Variants in PLCB1 observed in about 807,000 individuals in gnomAD.
The protein encoded by PLCB1 is phospholipase C beta 1, also known as 1-phosphatidylinositol 4,5-bisphosphate phosphodiesterase beta-1.
Under a neutral mutation model 161.8 loss-of-function variants are expected in PLCB1, and 46 were observed. The ratio of observed to expected loss-of-function variants is 0.28; its 90% CI spans 0.22 to 0.36. The LOEUF is 0.36. Ranked by LOEUF, PLCB1 falls within the 10% of genes least tolerant of loss-of-function variation. The probability of loss-of-function intolerance (pLI) is 1.00; values close to 1 mark genes in which losing one functional copy is unlikely to be tolerated. For synonymous variants in PLCB1, 517 were observed against 503.7 expected (o/e 1.03, Z -0.35); for missense variants, 1,016 against 1,472.5 (o/e 0.69, Z 5.07).
chr20:8,275,757 C>T (rs1351343730), intron 2 of PLCB1, among the ~76,000 whole-genome samples: 1 of 152,144 alleles, frequency 6.6e-6, no homozygotes, highest in Admixed American at 6.6e-5. Flanking sequence ...CTGCTATTTC[C>T]TTTGCAGATG....
At chr20:8,709,710 G>A (rs892244938) in intron 12 of PLCB1, among the ~76,000 whole-genome samples, 4 of 152,276 alleles carry the variant, frequency 2.6e-5, no homozygotes, top group South Asian at 2.1e-4. Flanking sequence ...AGTTAAATGT[G>A]ACAATTTTAT....
intron 3 of PLCB1, among the ~76,000 whole-genome samples, chr20:8,491,055 T>A (rs1282258892): frequency 6.6e-6 from 1 of 151,954 alleles, no homozygotes; most frequent in Non-Finnish European, 1.5e-5. Context: ...ATAAATATTT[T>A]ACTTTTATAA....
intron 3 of PLCB1, among the ~76,000 whole-genome samples, chr20:8,535,327 T>TATCTAC (rs936786849): frequency 6.6e-6 from 1 of 151,210 alleles, no homozygotes; most frequent in African/African-American, 2.4e-5. Context: ...ATATTAAACA[T>TATCTAC]ATCTACATCT....
intron 3 of PLCB1, among the ~76,000 whole-genome samples, chr20:8,559,109 TATATC>T (rs1405556020): frequency 1.3e-5 from 2 of 151,942 alleles, no homozygotes; most frequent in African/African-American, 4.8e-5. Flanking sequence ...AAAAGACAGA[TATATC>T]AAATGATGAA....
chr20:8,274,349 A>C (rs1982426803), intron 2 of PLCB1, among the ~76,000 whole-genome samples: 1 of 152,204 alleles, frequency 6.6e-6, no homozygotes, highest in South Asian at 2.1e-4. Flanking sequence ...CTAATTATAC[A>C]GATACTATTT....
chr20:8,836,436 T>C (rs1986286640), intron 31 of PLCB1, among the ~76,000 whole-genome samples: 1 of 80,558 alleles, frequency 1.2e-5, no homozygotes, highest in Admixed American at 1.7e-4. Flanking sequence ...CATACACTAT[T>C]GATTCTGTCT....
chr20:8,268,015 G>T (rs905198585), intron 2 of PLCB1, among the ~76,000 whole-genome samples: 1 of 151,290 alleles, frequency 6.6e-6, no homozygotes, highest in African/African-American at 2.4e-5. Context: ...TGTGCACAAC[G>T]TGCAGGTTTG....
intron 3 of PLCB1, among the ~76,000 whole-genome samples, chr20:8,454,207 T>C (rs1044879856): frequency 6.6e-6 from 1 of 152,126 alleles, no homozygotes; most frequent in African/African-American, 2.4e-5. Context: ...TAATACAGGC[T>C]CTGAGGCTGA....
At chr20:8,330,001 G>C (rs1032259708) in intron 2 of PLCB1, among the ~76,000 whole-genome samples, 1 of 152,170 alleles carries the variant, frequency 6.6e-6, no homozygotes, top group Non-Finnish European at 1.5e-5. Context: ...GAAAATAGGA[G>C]AAAATAGGTA....
At chr20:8,522,042 G>T (rs772188271) in intron 3 of PLCB1, among the ~76,000 whole-genome samples, 9 of 152,214 alleles carry the variant, frequency 5.9e-5, no homozygotes, top group Non-Finnish European at 1.2e-4. Flanking sequence ...GCCTCCAGAA[G>T]ATTGTCCTTG....
At chr20:8,791,370 G>A (rs1301273941) in intron 31 of PLCB1, among the ~76,000 whole-genome samples, 2 of 152,048 alleles carry the variant, frequency 1.3e-5, no homozygotes, top group Non-Finnish European at 2.9e-5. Context: ...TTCAGAAATT[G>A]CTATACTTTC....
chr20:8,180,260 G>A (rs1405845795), intron 2 of PLCB1, among the ~76,000 whole-genome samples: 1 of 152,172 alleles, frequency 6.6e-6, no homozygotes, highest in Non-Finnish European at 1.5e-5. Flanking sequence ...CACATTTACT[G>A]ATTTGCATAT....
intron 3 of PLCB1, among the ~76,000 whole-genome samples, chr20:8,533,571 T>A (rs545948751): frequency 1.3e-5 from 2 of 151,970 alleles, no homozygotes; most frequent in South Asian, 4.2e-4. Flanking sequence ...TGGTGTGAGA[T>A]GGTATCTCAT....
chr20:8,785,738 C>T (rs1432000727), intron 27 of PLCB1, among the ~76,000 whole-genome samples: 14 of 152,042 alleles, frequency 9.2e-5, no homozygotes, highest in Non-Finnish European at 2.9e-5. Flanking sequence ...AGTTCTCCAG[C>T]TTAGTCTCAA....
chr20:8,196,624 A>T (rs1311808268), intron 2 of PLCB1, among the ~76,000 whole-genome samples: 1 of 150,860 alleles, frequency 6.6e-6, no homozygotes, highest in Non-Finnish European at 1.5e-5. Flanking sequence ...CCTTCTGTCT[A>T]ACAGCCTCAA....
intron 2 of PLCB1, among the ~76,000 whole-genome samples, chr20:8,226,728 C>T (rs867582502): frequency 6.6e-6 from 1 of 150,978 alleles, no homozygotes; most frequent in Admixed American, 6.6e-5. Flanking sequence ...CACTCTGTCT[C>T]CCTGGCTGGA....
At chr20:8,872,562 T>A (rs1186556839) in intron 31 of PLCB1, among the ~76,000 whole-genome samples, 1 of 152,224 alleles carries the variant, frequency 6.6e-6, no homozygotes, top group Non-Finnish European at 1.5e-5. Context: ...CCGAACATTC[T>A]GAATTTGCTA....
chr20:8,237,436 A>G (rs1201051983), intron 2 of PLCB1, among the ~76,000 whole-genome samples: 1 of 152,078 alleles, frequency 6.6e-6, no homozygotes, highest in African/African-American at 2.4e-5. Flanking sequence ...CACGAAAGTA[A>G]CAGTGGTTTT....
chr20:8,272,926 C>T (rs138822969), intron 2 of PLCB1, among the ~76,000 whole-genome samples: 249 of 152,244 alleles, frequency 1.6e-3, no homozygotes, highest in African/African-American at 5.0e-3. Flanking sequence ...CCTCTGAGTG[C>T]AAAACATCTG....
Sources: gnomAD v4.1 joint callset for allele counts (sites outside exome capture counted in the v4.1 genomes callset) on GRCh38, gnomAD v4.1.1 for gene constraint, MANE v1.5 for transcripts, NCBI Gene and HGNC (gene_info 2026-07-23, HGNC 2026-07-21) for gene names.